Variants in MTCL1 observed in about 807,000 individuals in gnomAD.
MTCL1 encodes the protein microtubule crosslinking factor 1.
In MTCL1, 79 loss-of-function variants were observed where a neutral mutation model predicts 141.4. The observed-to-expected ratio is 0.56, with a 90% confidence interval of 0.47 to 0.67. MTCL1 has a LOEUF of 0.67. Among genes scored for constraint, MTCL1 ranks in the 30% least tolerant of loss-of-function variants. MTCL1 has a pLI of 0.00. For missense variants in MTCL1, 2,177 were observed against 2,113.9 expected, an observed-to-expected ratio of 1.03 and a Z score of -0.59; for synonymous variants, 914 against 875.8, an observed-to-expected ratio of 1.04 and a Z score of -0.77.
intron 1 of MTCL1, among the ~76,000 whole-genome samples, chr18:8,708,603 C>T (rs558703955): frequency 6.6e-6 from 1 of 152,316 alleles, no homozygotes; most frequent in African/African-American, 2.4e-5. Flanking sequence ...GGGATGCAGC[C>T]CTATTTCCAG....
chr18:8,737,592 G>A (rs1392098310), intron 4 of MTCL1, among the ~76,000 whole-genome samples: 1 of 152,214 alleles, frequency 6.6e-6, no homozygotes, highest in Non-Finnish European at 1.5e-5. Flanking sequence ...GGTGACCAAC[G>A]CGAGGGCAGC....
chr18:8,706,408 C>T, exon 1 of MTCL1: 1 of 1,228,372 alleles, frequency 8.1e-7, no homozygotes. Flanking sequence ...ACGAGGAGCG[C>T]CGACGCCGAG....
intron 10 of MTCL1, among the ~76,000 whole-genome samples, chr18:8,798,614 C>A (rs928522531): frequency 6.6e-6 from 1 of 152,260 alleles, no homozygotes; most frequent in African/African-American, 2.4e-5. Flanking sequence ...CAACATCATT[C>A]GTTTGGCAGC....
At position 8,718,086 on chromosome 18, in the gene MTCL1, A is replaced by G. The variant is rs2096141806; in HGVS notation, c.-28+124A>G. 6 of 717,054 alleles carry G rather than the reference A, an allele frequency of 8.4e-6. No individual in the cohort carries two copies. The South Asian group carries it at 1.3e-4, about 15-fold the overall frequency. 44.4% of individuals were successfully genotyped at this position (717,054 alleles called of 1,614,324 possible). On this transcript the variant is annotated intron_variant, in intron 2 of 16. Transcript: ENST00000359865. The stretch of plus-strand genomic sequence containing the variant: ...TGCCTTAGAGATAAAGGCTTAGGTC[A>G]ATGTTTGGTTTGAATTGAAAGGTTC...
At chr18:8,718,601 G>A in exon 3 of MTCL1, 4 of 1,613,874 alleles carry the variant, frequency 2.5e-6, no homozygotes, top group Non-Finnish European at 3.4e-6. Flanking sequence ...GGCTGAGACG[G>A]GTCAGGTGGA....
chr18:8,804,528 A>C (rs1432793209), intron 10 of MTCL1, among the ~76,000 whole-genome samples: 1 of 152,152 alleles, frequency 6.6e-6, no homozygotes, highest in Non-Finnish European at 1.5e-5. Flanking sequence ...TTCTATTCAG[A>C]TGGTTGGTAA....
intron 7 of MTCL1, among the ~76,000 whole-genome samples, chr18:8,788,353 G>A (rs1435340769): frequency 6.6e-6 from 1 of 152,156 alleles, no homozygotes; most frequent in East Asian, 1.9e-4. Flanking sequence ...AGCTCCTCAG[G>A]GGTGTGGGAG....
intron 4 of MTCL1, among the ~76,000 whole-genome samples, chr18:8,732,402 G>A (rs1367862127): frequency 2.0e-5 from 3 of 152,060 alleles, no homozygotes; most frequent in Admixed American, 6.5e-5. Context: ...GTGAGCTGCC[G>A]TGTTTGGCTA....
At chr18:8,825,314 C>T in exon 15 of MTCL1, 1 of 1,538,986 alleles carries the variant, frequency 6.5e-7, no homozygotes, top group Non-Finnish European at 8.7e-7. Context: ...TGGGGTTTGC[C>T]TCCCCACTGC....
rs1308060515 is a variant in MTCL1, at chr18:8,796,211, GTC to G, written c.2011-15_2011-14del. ...GATTGGATTAGCTGCTTGTCACACT[GTC>G]TCTCTTATTCCATTCAAGATGGAGG... is the stretch of plus-strand genomic sequence containing the variant. On this transcript the variant is annotated intron_variant, in intron 8 of 16. Coordinates refer to ENST00000359865, the Ensembl canonical transcript of MTCL1. The G allele has an allele frequency of 1.9e-6, 3 of 1,612,336 alleles. No individual in the cohort carries two copies. The highest frequency in any genetic ancestry group is 2.2e-5 in the East Asian group (1 of 44,858).
Position 8,825,915 on chromosome 18 carries a change from CG to C in MTCL1, c.4407del (p.Ser1470LeufsTer45). The stretch of plus-strand genomic sequence containing the variant: ...CCAGAAGGGGCTGCGGGCCGGCAGT[CG>C]GTCTCGCTCAGCAGAGCCCCGACCA... On this transcript the variant is annotated frameshift_variant, in exon 15 of 17. Coordinates refer to ENST00000359865, the Ensembl canonical transcript of MTCL1. LOFTEE classifies it high-confidence loss of function. 2 of 1,609,846 alleles carry C rather than the reference CG, an allele frequency of 1.2e-6. No homozygotes were observed. Among genetic ancestry groups the C allele is most frequent in the Non-Finnish European group, 1.7e-6 (2 of 1,177,888 alleles).
intron 4 of MTCL1, among the ~76,000 whole-genome samples, chr18:8,740,296 A>C (rs1314126907): frequency 6.6e-6 from 1 of 152,096 alleles, no homozygotes; most frequent in Non-Finnish European, 1.5e-5. Flanking sequence ...TCTTACTCCT[A>C]TGTGTTTAGA....
At chr18:8,826,468 G>A (rs1455802011) in intron 15 of MTCL1, among the ~76,000 whole-genome samples, 1 of 114,612 alleles carries the variant, frequency 8.7e-6, no homozygotes, top group Non-Finnish European at 1.8e-5. Flanking sequence ...TATAGTACAT[G>A]GTTTGATTTG....
intron 4 of MTCL1, among the ~76,000 whole-genome samples, chr18:8,777,039 C>A (rs982034192): frequency 5.3e-5 from 8 of 152,010 alleles, no homozygotes; most frequent in Admixed American, 2.6e-4. Flanking sequence ...TTGAGACCAT[C>A]CTGGCTAACA....
At chr18:8,802,244 C>T (rs192300941) in intron 10 of MTCL1, 39 of 152,316 alleles carry the variant, frequency 2.6e-4, no homozygotes, top group African/African-American at 8.9e-4. Context: ...GCTACCACAT[C>T]ATTCTGGAAT....
At chr18:8,780,544 G>C (rs2096529256) in intron 5 of MTCL1, among the ~76,000 whole-genome samples, 1 of 152,232 alleles carries the variant, frequency 6.6e-6, no homozygotes, top group South Asian at 2.1e-4. Context: ...GTGGAGATGG[G>C]ATCATTTAGA....
intron 13 of MTCL1, 94 bp from the exon 13 acceptor site, chr18:8,821,373 T>TG: frequency 1.3e-6 from 1 of 782,612 alleles, no homozygotes; most frequent in Non-Finnish European, 2.2e-6. Context: ...GGTGGTTTCC[T>TG]GGGGGTGCAG....
At chr18:8,753,019 T>C (rs1049745351) in intron 4 of MTCL1, among the ~76,000 whole-genome samples, 1 of 152,192 alleles carries the variant, frequency 6.6e-6, no homozygotes, top group Non-Finnish European at 1.5e-5. Context: ...TGGTTTTTAC[T>C]ATAGACCCCT....
intron 4 of MTCL1, among the ~76,000 whole-genome samples, chr18:8,737,322 A>C (rs2096279514): frequency 6.6e-6 from 1 of 152,332 alleles, no homozygotes; most frequent in African/African-American, 2.4e-5. Context: ...AGAGACAGGG[A>C]AGTTTAAAGA....
Sources: gnomAD v4.1 joint callset for allele counts (sites outside exome capture counted in the v4.1 genomes callset) on GRCh38, gnomAD v4.1.1 for gene constraint, MANE v1.5 for transcripts, NCBI Gene and HGNC (gene_info 2026-07-23, HGNC 2026-07-21) for gene names.